Variants in KCNQ5 observed in about 807,000 individuals in gnomAD.
KCNQ5 encodes the protein potassium voltage-gated channel subfamily KQT member 5.
Under a neutral mutation model 98.2 loss-of-function variants are expected in KCNQ5, and 30 were observed. The observed-to-expected ratio is 0.31, with a 90% CI of 0.23 to 0.41. The LOEUF is 0.41. KCNQ5 is among the 10% of genes least tolerant of loss of function. The pLI is 1.00. For synonymous variants in KCNQ5, 458 were observed against 449.4 expected (o/e 1.02, Z -0.24); for missense variants, 835 against 1,182.5 (o/e 0.71, Z 4.31).
intron 1 of KCNQ5, among the ~76,000 whole-genome samples, chr6:72,916,877 C>T (rs1391418843): frequency 6.6e-6 from 1 of 152,172 alleles, no homozygotes; most frequent in Non-Finnish European, 1.5e-5. Flanking sequence ...TTGGAAGTTT[C>T]AACTTCTGCA....
chr6:72,822,391 A>G (rs1775801384), intron 1 of KCNQ5, among the ~76,000 whole-genome samples: 1 of 152,220 alleles, frequency 6.6e-6, no homozygotes, highest in Admixed American at 6.5e-5. Context: ...ATAAAATCAT[A>G]GAATGATGTG....
intron 1 of KCNQ5, among the ~76,000 whole-genome samples, chr6:72,990,631 T>G (rs965575280): frequency 3.0e-5 from 4 of 131,874 alleles, no homozygotes; most frequent in African/African-American, 1.2e-4. Flanking sequence ...TCTCTTTTCC[T>G]AATTGAATAC....
chr6:72,710,651 A>G (rs989339205), intron 1 of KCNQ5, among the ~76,000 whole-genome samples: 1 of 152,216 alleles, frequency 6.6e-6, no homozygotes, highest in African/African-American at 2.4e-5. Flanking sequence ...AGCAATTGTA[A>G]ATACATATGC....
chr6:72,709,881 C>T (rs189079739), intron 1 of KCNQ5, among the ~76,000 whole-genome samples: 1 of 152,218 alleles, frequency 6.6e-6, no homozygotes, highest in Admixed American at 6.5e-5. Context: ...AATATAGTAC[C>T]TGAACCCATG....
At chr6:72,994,982 G>A (rs901561492) in intron 1 of KCNQ5, among the ~76,000 whole-genome samples, 2 of 152,132 alleles carry the variant, frequency 1.3e-5, no homozygotes, top group Non-Finnish European at 2.9e-5. Flanking sequence ...TGCCAAAAAG[G>A]AGTAAAATAG....
intron 10 of KCNQ5, among the ~76,000 whole-genome samples, chr6:73,166,512 T>TA (rs5877357): frequency 0.13 from 18,973 of 143,458 alleles, 1,514 homozygotes; most frequent in East Asian, 0.35. Flanking sequence ...TAGATTTCTC[T>TA]AAAAAAAAAA....
chr6:72,948,663 A>G (rs1582070504), intron 1 of KCNQ5, among the ~76,000 whole-genome samples: 1 of 152,170 alleles, frequency 6.6e-6, no homozygotes, highest in African/African-American at 2.4e-5. Flanking sequence ...GTTATTTTCT[A>G]TATATTTCAG....
intron 3 of KCNQ5, among the ~76,000 whole-genome samples, chr6:73,077,120 T>C (rs1382988506): frequency 6.6e-6 from 1 of 152,126 alleles, no homozygotes; most frequent in East Asian, 1.9e-4. Flanking sequence ...ACTACAGCAA[T>C]AGGTAGGTCC....
intron 1 of KCNQ5, among the ~76,000 whole-genome samples, chr6:72,916,112 T>C (rs902021835): frequency 6.6e-6 from 1 of 152,214 alleles, no homozygotes; most frequent in Non-Finnish European, 1.5e-5. Context: ...TCATTTTTAA[T>C]GGTAAATTAT....
intron 11 of KCNQ5, among the ~76,000 whole-genome samples, chr6:73,185,782 G>T (rs913360944): frequency 2.0e-5 from 3 of 152,180 alleles, no homozygotes; most frequent in Admixed American, 2.0e-4. Flanking sequence ...GCCCTTACTT[G>T]CATTTTGAAA....
intron 1 of KCNQ5, among the ~76,000 whole-genome samples, chr6:72,824,785 C>CTG (rs35336711): frequency 0.12 from 18,397 of 150,736 alleles, 1,407 homozygotes; most frequent in East Asian, 0.32. Context: ...TTCTCTGTCT[C>CTG]TGTGTGTGTG....
chr6:73,152,049 T>C (rs1777173882), intron 10 of KCNQ5, among the ~76,000 whole-genome samples: 2 of 152,324 alleles, frequency 1.3e-5, no homozygotes, highest in South Asian at 4.1e-4. Flanking sequence ...TGTGTCACCC[T>C]GTTCTGTGGC....
chr6:72,622,556 C>T lies in KCNQ5; in HGVS notation c.367C>T (p.Arg123Cys), dbSNP rs1252311880. 2.5e-6 allele frequency: 4 copies of T among 1,612,488 alleles called. No individual in the cohort carries two copies. Among genetic ancestry groups the T allele is most frequent in the Non-Finnish European group, 3.4e-6 (4 of 1,179,570 alleles). ...CCTGTACAACGTGCTGGAGAGACCC[C>T]GCGGCTGGGCGTTCATCTACCACGC... ...NYLYNVLERP[R>C]GWAFIYHAFV... The change falls in exon 1 of 14, where the codon CGC becomes TGC. Residue 123 changes from arginine to cysteine, a missense_variant. Coordinates refer to ENST00000370398, the MANE Select transcript of KCNQ5 (RefSeq NM_019842.4). This position sits in a 1 kb window ranked among gnomAD's most constrained non-coding sequence, Gnocchi z 6.0.
intron 2 of KCNQ5, among the ~76,000 whole-genome samples, chr6:73,014,184 C>A (rs1361382695): frequency 1.3e-5 from 2 of 152,062 alleles, no homozygotes; most frequent in Non-Finnish European, 2.9e-5. Flanking sequence ...GAGAACAATA[C>A]TGTCTGGAGT....
intron 1 of KCNQ5, among the ~76,000 whole-genome samples, chr6:72,627,269 G>T (rs2098918430): frequency 6.6e-6 from 1 of 152,132 alleles, no homozygotes; most frequent in African/African-American, 2.4e-5. Context: ...GAAAAAATGA[G>T]ATAGTCCAAA....
chr6:73,019,848 T>G (rs1486415438), intron 2 of KCNQ5, among the ~76,000 whole-genome samples: 1 of 152,194 alleles, frequency 6.6e-6, no homozygotes, highest in Non-Finnish European at 1.5e-5. Flanking sequence ...AGCTTTCTTT[T>G]TCACTTATTT....
chr6:73,089,254 A>G (rs1774128702), intron 5 of KCNQ5, among the ~76,000 whole-genome samples: 1 of 152,192 alleles, frequency 6.6e-6, no homozygotes, highest in South Asian at 2.1e-4. Context: ...ATACAATATC[A>G]TTTCAGGTAT....
intron 1 of KCNQ5, among the ~76,000 whole-genome samples, chr6:72,843,170 G>A (rs754073160): frequency 6.6e-6 from 1 of 152,140 alleles, no homozygotes; most frequent in Non-Finnish European, 1.5e-5. Context: ...TAAGGTTTAA[G>A]GAAGGGGTTC....
At position 72,920,329 on chromosome 6, in the gene KCNQ5, C is replaced by A. The variant is rs71573570; in HGVS notation, c.399-83579C>A. On this transcript the variant is annotated intron_variant, in intron 1 of 13. Transcript: ENST00000370398. ...GAGGGGGATTCTGCCTGTCTCCTCA[C>A]TTCCAGTCAGTCTGTCCATCTGTGT... Among the ~76,000 whole-genome samples, 894 of 152,268 alleles carry A rather than the reference C, an allele frequency of 5.9e-3. 7 individuals carry two copies. The highest frequency in any genetic ancestry group is 0.014 in the Admixed American group (212 of 15,292).
Sources: allele counts gnomAD v4.1 joint callset (sites outside exome capture counted in the v4.1 genomes callset), GRCh38; gene constraint gnomAD v4.1.1; non-coding constraint Gnocchi (gnomAD v3.1); transcripts MANE v1.5; gene names NCBI Gene and HGNC (gene_info 2026-07-23, HGNC 2026-07-21).